NRAP: variants seen among roughly 807,000 people sequenced by gnomAD.
NRAP encodes the protein nebulin related anchoring protein, also known as nebulin-related-anchoring protein.
In NRAP, 189 loss-of-function variants were observed where a neutral mutation model predicts 225.9. That is an observed-to-expected ratio of 0.84 (90% CI 0.74 to 0.94). The LOEUF (loss-of-function observed/expected upper bound fraction) is 0.94, where lower values mean the gene tolerates loss of function less well. Ranked by LOEUF, NRAP falls within the 40% of genes least tolerant of loss-of-function variation. The pLI, the probability that NRAP is intolerant of heterozygous loss-of-function variation, is 0.00. For synonymous variants in NRAP, 769 were observed against 790.7 expected, an observed-to-expected ratio of 0.97 and a Z score of 0.46; for missense variants, 2,176 against 2,168.7, an observed-to-expected ratio of 1.00 and a Z score of -0.07.
intron 37 of NRAP, among the ~76,000 whole-genome samples, chr10:113,596,803 A>G (rs1301869205): frequency 6.6e-6 from 1 of 152,180 alleles, no homozygotes; most frequent in Non-Finnish European, 1.5e-5. Context: ...CCTTTATTTA[A>G]TCCTCATTTA....
chr10:113,618,547 A>C (rs946772004), intron 25 of NRAP, among the ~76,000 whole-genome samples: 1 of 152,254 alleles, frequency 6.6e-6, no homozygotes, highest in Non-Finnish European at 1.5e-5. Flanking sequence ...ACTATTTACT[A>C]TCTGGTCCTT....
At position 113,628,920 on chromosome 10, in the gene NRAP, G is replaced by A. The variant is rs370055890; in HGVS notation, c.2142C>T (p.Ser714=). The change falls in exon 20 of 42, where the codon AGC becomes AGT. Residue 714 remains serine, a synonymous_variant. Transcript: ENST00000359988. ...CAGAGGCCCCAGTGCAGGTTACCTC[G>A]CTGACCAGCTGTCCAGCCTTCTTGG... ...EQAKKAGQLV[S]EKNYRQRVDE... 7.5e-6 allele frequency: 12 copies of A among 1,598,316 alleles called. No homozygotes were observed. Among genetic ancestry groups the A allele is most frequent in the Non-Finnish European group, 1.0e-5 (12 of 1,170,400 alleles).
At chr10:113,610,643 T>C (rs1847272347) in intron 30 of NRAP, 80 bp from the exon 31 acceptor site, 1 of 801,520 alleles carries the variant, frequency 1.2e-6, no homozygotes, top group African/African-American at 1.7e-5. Flanking sequence ...AGAGGTCTCA[T>C]GACACAGCAT....
At position 113,588,741 on chromosome 10, in the gene NRAP, T is replaced by G. The variant is rs1845731956; in HGVS notation, c.*234A>C. 1.8e-6 allele frequency: 1 copy of G among 558,338 alleles called. No homozygotes were observed. The highest frequency in any genetic ancestry group is 2.5e-5 in the South Asian group (1 of 39,500). 34.6% of individuals were successfully genotyped at this position (558,338 alleles called of 1,614,324 possible). On this transcript the variant is annotated 3_prime_UTR_variant, in exon 42 of 42. Transcript: ENST00000359988. ...AGCGGGAACCACCATCACATCTTTA[T>G]TCCTCAGCCCAGACACTCGAGGCAC...
At chr10:113,629,936 C>T (rs1314625443) in intron 18 of NRAP, 151 bp from the exon 19 acceptor site, 1 of 623,716 alleles carries the variant, frequency 1.6e-6, no homozygotes, top group African/African-American at 1.8e-5. Context: ...AGGCCCAAGT[C>T]CTGGCTCTGA....
intron 29 of NRAP, among the ~76,000 whole-genome samples, chr10:113,612,651 T>G (rs551724445): frequency 6.6e-6 from 1 of 152,172 alleles, no homozygotes; most frequent in Non-Finnish European, 1.5e-5. Context: ...TTGATCTGGA[T>G]GAAGAAGGCC....
At chr10:113,647,445 C>T (rs528768093) in intron 9 of NRAP, among the ~76,000 whole-genome samples, 174 of 150,918 alleles carry the variant, frequency 1.2e-3, no homozygotes, top group Middle Eastern at 0.01. Flanking sequence ...ATGGTACTGT[C>T]TCCCCCGGTG....
At position 113,645,870 on chromosome 10, in the gene NRAP, G is replaced by C. The variant is rs570465554; in HGVS notation, c.1065C>G (p.Asn355Lys). The C allele has an allele frequency of 1.2e-6, 2 of 1,611,000 alleles. No individual in the cohort carries two copies. The highest frequency in any genetic ancestry group is 1.7e-6 in the Non-Finnish European group (2 of 1,178,120). The stretch of plus-strand genomic sequence containing the variant: ...CGCTCTGAGCCTGTTTGAGAACCAA[G>C]TTGTCTTGAGCTGGAAGCGAGTGAT... ...AHYHSLPAQD[N>K]LVLKQAQSVN... The change falls in exon 11 of 42, where the codon AAC becomes AAG. Residue 355 changes from asparagine (N) to lysine (K), a missense_variant. By Grantham distance (94) the Asn-to-Lys change is moderately conservative. Around this residue, in one of 3 missense-constraint regions of NRAP, gnomAD observed 1,708 missense variants for 1,695.5 expected, o/e 1.01. Transcript: ENST00000359988.
intron 1 of NRAP, 125 bp from the exon 2 acceptor site, chr10:113,663,571 C>T: frequency 1.5e-6 from 1 of 683,590 alleles, no homozygotes; most frequent in Non-Finnish European, 2.5e-6. Flanking sequence ...AATTAAAATC[C>T]ACACACACAG....
At chr10:113,633,600 C>T (rs917455380) in intron 15 of NRAP, among the ~76,000 whole-genome samples, 5 of 152,272 alleles carry the variant, frequency 3.3e-5, no homozygotes, top group Admixed American at 2.6e-4. Context: ...AGATATGTGA[C>T]TCCTGTTGGA....
At chr10:113,635,075 G>A (rs1848790414) in intron 14 of NRAP, among the ~76,000 whole-genome samples, 1 of 152,194 alleles carries the variant, frequency 6.6e-6, no homozygotes. Context: ...TTGACTGCCT[G>A]GTTCCCACCT....
At position 113,654,040 on chromosome 10, in the gene NRAP, G is replaced by T. The variant is rs768935515; in HGVS notation, c.446C>A (p.Ala149Asp). Residue 149 changes from alanine to aspartate, a missense_variant, in exon 5 of 42, where the codon GCT (alanine) becomes GAT (aspartate). Ala to Asp is a moderately radical substitution (Grantham distance 126). Around this residue, in one of 3 missense-constraint regions of NRAP, gnomAD observed 1,708 missense variants for 1,695.5 expected, o/e 1.01. Transcript: ENST00000359988. ...GCTTACCTCACCAAGAGACTTTCGA[G>T]CCTCAACCATCCTTACAATTTCGGG... ...PDPEIVRMVE[A>D]RKSLGEEYTE... 1 of 1,612,250 alleles carries T rather than the reference G, an allele frequency of 6.2e-7. No individual in the cohort carries two copies. Among genetic ancestry groups the T allele is most frequent in the South Asian group, 1.1e-5 (1 of 91,046 alleles).
In NRAP at chr10:113,608,429, G is replaced by A; in HGVS notation, c.3687C>T (p.Asn1229=). 1 of 1,609,802 alleles carries A rather than the reference G, an allele frequency of 6.2e-7. No homozygotes were observed. Among genetic ancestry groups the A allele is most frequent in the Non-Finnish European group, 8.5e-7 (1 of 1,176,474 alleles). Residue 1229 remains asparagine (N), a synonymous_variant, in exon 32 of 42, where the codon AAC becomes AAT. Coordinates refer to ENST00000359988, the MANE Select transcript of NRAP (RefSeq NM_198060.4). ...GAGATTTTACCTCATTCGTTATCTG[G>A]TTGCTGAATTTCGCATGAAGGAGGT... ...TPNLLHAKFS[N]QITNERLYKA... is the part of the protein sequence containing the mutation.
In NRAP at chr10:113,631,909, A is replaced by T; in HGVS notation, c.1688T>A (p.Leu563Gln). 1 of 1,613,944 alleles carries T rather than the reference A, an allele frequency of 6.2e-7. No homozygotes were observed. The highest frequency in any genetic ancestry group is 8.5e-7 in the Non-Finnish European group (1 of 1,179,778). Residue 563 changes from leucine (L) to glutamine (Q), a missense_variant, in exon 17 of 42, where the codon CTG becomes CAG. Around this residue, in one of 3 missense-constraint regions of NRAP, gnomAD observed 1,708 missense variants for 1,695.5 expected, o/e 1.01. Transcript: ENST00000359988. ...KTKGKGFEMK[L>Q]DAMSLLAAKA... ...GGCGGCCAGCAGAGACATGGCATCC[A>T]GCTTCATCTCAAATCCTTTCCCCTT...
chr10:113,601,750 G>T (rs1046723459), intron 35 of NRAP, among the ~76,000 whole-genome samples: 3 of 151,952 alleles, frequency 2.0e-5, no homozygotes, highest in African/African-American at 7.3e-5. Flanking sequence ...GGTAGTGTTT[G>T]TTTTTTTCCT....
At chr10:113,607,605 G>C (rs1847076425) in intron 32 of NRAP, among the ~76,000 whole-genome samples, 1 of 152,114 alleles carries the variant, frequency 6.6e-6, no homozygotes, top group Non-Finnish European at 1.5e-5. Flanking sequence ...CACTCTAAAA[G>C]ATCATGAATT....
In NRAP at chr10:113,590,592, G is replaced by A. The variant is rs767155048; in HGVS notation, c.4942C>T (p.Gln1648Ter). The A allele has an allele frequency of 1.9e-6, 3 of 1,611,590 alleles. No individual in the cohort carries two copies. Among genetic ancestry groups the A allele is most frequent in the African/African-American group, 1.3e-5 (1 of 75,052 alleles). Reference sequence around the variant, plus strand: ...AGGTGGCTCACATCACTCTGCAGCTGGTGGGCCTTCTGAGCATGCCTGAGG... The same window carrying A: ...AGGTGGCTCACATCACTCTGCAGCTAGTGGGCCTTCTGAGCATGCCTGAGG... Reference protein sequence around the residue: ...LGLRHAQKAHQLQSDVKYKSD... With the variant: ...LGLRHAQKAH The change falls in exon 40 of 42, where the codon CAG (glutamine) becomes TAG (stop). Residue 1648 changes from glutamine to a stop codon, truncating the protein, a stop_gained. Transcript: ENST00000359988. LOFTEE classifies it high-confidence loss of function.
intron 35 of NRAP, among the ~76,000 whole-genome samples, chr10:113,603,911 C>T (rs765009580): frequency 6.6e-6 from 1 of 152,184 alleles, no homozygotes; most frequent in Non-Finnish European, 1.5e-5. Flanking sequence ...CACACGCACA[C>T]TCACACCTCC....
Position 113,610,563 on chromosome 10 carries a change from T to G in NRAP, c.3499A>C (p.Asn1167His). Residue 1167 changes from asparagine to histidine, a missense_variant and splice_region_variant, in exon 31 of 42, where the codon AAT becomes CAT. By Grantham distance (68) the Asn-to-His change is moderately conservative (BLOSUM62 1). Coordinates refer to ENST00000359988, the MANE Select transcript of NRAP (RefSeq NM_198060.4). ...AAGTTCAGGTCTGACCGGTACAAAT[T>G]CTAGAAGAAATAATAAATACAAAGA... Reference protein sequence around the residue: ...AKKAHKLQSENLYRSDLNFMR... With the variant: ...AKKAHKLQSEHLYRSDLNFMR... 1 of 1,565,918 alleles carries G rather than the reference T, an allele frequency of 6.4e-7. No individual in the cohort carries two copies.
Sources: allele counts gnomAD v4.1 joint callset (sites outside exome capture counted in the v4.1 genomes callset), GRCh38; gene constraint gnomAD v4.1.1; regional missense constraint gnomAD v4.1.1; transcripts MANE v1.5; gene names NCBI Gene and HGNC (gene_info 2026-07-23, HGNC 2026-07-21).